Variants in GRIK5 observed in about 807,000 individuals in gnomAD.
GRIK5 encodes the protein glutamate ionotropic receptor kainate type subunit 5.
A neutral mutation model predicts 97.4 loss-of-function variants in GRIK5; 43 were observed. The observed-to-expected ratio is 0.44, with a 90% CI of 0.35 to 0.57. The LOEUF (loss-of-function observed/expected upper bound fraction) is 0.57, where lower values mean the gene tolerates loss of function less well. GRIK5 is among the 20% of genes least tolerant of loss of function. GRIK5 has a pLI of 0.01. For missense variants in GRIK5, 1,015 were observed against 1,382.0 expected, an observed-to-expected ratio of 0.73 and a Z score of 4.21; for synonymous variants, 580 against 583.5, an observed-to-expected ratio of 0.99 and a Z score of 0.09.
intron 11 of GRIK5, among the ~76,000 whole-genome samples, chr19:42,047,978 A>AC (rs2076064337): frequency 6.6e-6 from 1 of 151,276 alleles, no homozygotes; most frequent in Admixed American, 6.6e-5. Flanking sequence ...GTCTCAAAAA[A>AC]AAAAAAAAAA....
rs113052774 is a variant in GRIK5 at position 42,003,703 on chromosome 19, GC to G, written c.2264-21del. On this transcript the variant is annotated intron_variant, in intron 17 of 19. Transcript: ENST00000593562. This position sits in a 1 kb window ranked among gnomAD's most constrained non-coding sequence, Gnocchi z 4.2. ...GGGAGCCTGGGCAGGCACACGAGGG[GC>G]TGGACCAGCCATCGGGCCCTGCAGC... is the stretch of plus-strand genomic sequence containing the variant. 8.5e-5 allele frequency: 136 copies of G among 1,595,154 alleles called. 5 individuals carry two copies. In the African/African-American group the frequency reaches 1.2e-3, roughly 14 times the overall value.
intron 11 of GRIK5, among the ~76,000 whole-genome samples, chr19:42,043,612 A>T (rs1021749313): frequency 2.5e-4 from 38 of 151,930 alleles, no homozygotes; most frequent in African/African-American, 9.2e-4. Context: ...GGGTTTCACC[A>T]TGTTGGCCAG....
chr19:42,003,545 G>A lies in GRIK5; in HGVS notation c.2392+10C>T, dbSNP rs781988820. The A allele has an allele frequency of 1.9e-5, 30 of 1,608,800 alleles. No homozygotes were observed. Among genetic ancestry groups the A allele is most frequent in the South Asian group, 1.1e-4 (10 of 90,116 alleles). On this transcript the variant is annotated intron_variant, in intron 18 of 19. Transcript: ENST00000593562. The surrounding 1 kb of genome is among the most constrained non-coding windows in gnomAD (Gnocchi z 4.2). ...GCTATGGGAAGGGGACACCATACGCGGGAACTGACCTTTAGCTCGATGGTC... is the reference window on the plus strand; with the variant it reads ...GCTATGGGAAGGGGACACCATACGCAGGAACTGACCTTTAGCTCGATGGTC...
Position 42,006,959 on chromosome 19 carries a change from A to C in GRIK5, c.1872-149T>G. On this transcript the variant is annotated intron_variant, in intron 15 of 19. Transcript: ENST00000593562. This position sits in a 1 kb window ranked among gnomAD's most constrained non-coding sequence, Gnocchi z 5.3. The stretch of plus-strand genomic sequence containing the variant: ...CTGGGTGCAGAAGCGGGGAGTGTGG[A>C]TTCTGAAGCCAGACTTCCTGGTTGT... The C allele has an allele frequency of 1.7e-6, 1 of 589,854 alleles. No homozygotes were observed. Among genetic ancestry groups the C allele is most frequent in the Non-Finnish European group, 3.0e-6 (1 of 338,046 alleles). 36.5% of individuals were successfully genotyped at this position (589,854 alleles called of 1,614,324 possible). A position where few individuals can be genotyped will look rare whatever the true frequency, so the allele number is the denominator to read the frequency against.
chr19:42,053,932 G>T lies in GRIK5; in HGVS notation c.1057-3C>A. The T allele has an allele frequency of 6.2e-7, 1 of 1,605,142 alleles. No individual in the cohort carries two copies. Among genetic ancestry groups the T allele is most frequent in the Non-Finnish European group, 8.5e-7 (1 of 1,171,972 alleles). ...CCGGTCAGCCCATCATACTCTACCTGGCAGGGTGGGGAGGTGGGGCAGAGG... is the reference window on the plus strand; with the variant it reads ...CCGGTCAGCCCATCATACTCTACCTTGCAGGGTGGGGAGGTGGGGCAGAGG... On this transcript the variant is annotated splice_region_variant and splice_polypyrimidine_tract_variant and intron_variant, in intron 9 of 19. Coordinates refer to ENST00000593562, the MANE Select transcript of GRIK5 (RefSeq NM_002088.5).
chr19:42,021,353 C>T lies in GRIK5; in HGVS notation c.1819G>A (p.Gly607Ser), dbSNP rs2075694508. The T allele has an allele frequency of 3.7e-6, 6 of 1,613,664 alleles. No homozygotes were observed. The highest frequency in any genetic ancestry group is 5.1e-6 in the Non-Finnish European group (6 of 1,179,918). ...WFPVGGFMQQ[G>S]SEIMPRALST... ...AGCGCCCGGGGCATGATCTCCGAGC[C>T]CTGCTGCATGAAGCCCCCCACGGGA... The change falls in exon 15 of 20, where the codon GGC (glycine) becomes AGC (serine). Residue 607 changes from glycine (G) to serine (S), a missense_variant. Transcript: ENST00000593562. This position sits in a 1 kb window ranked among gnomAD's most constrained non-coding sequence, Gnocchi z 4.2.
intron 12 of GRIK5, among the ~76,000 whole-genome samples, chr19:42,035,535 C>T (rs1416802018): frequency 2.6e-5 from 4 of 151,808 alleles, no homozygotes; most frequent in African/African-American, 7.3e-5. Flanking sequence ...GTGAAATCCC[C>T]ATCTCTACTA....
At chr19:42,044,516 G>C (rs922735864) in intron 11 of GRIK5, among the ~76,000 whole-genome samples, 3 of 152,164 alleles carry the variant, frequency 2.0e-5, no homozygotes, top group Non-Finnish European at 4.4e-5. Flanking sequence ...AGGAAAACAA[G>C]GCATGTGATG....
chr19:41,999,397 C>G lies in GRIK5; in HGVS notation c.2515-98G>C, dbSNP rs1043188870. 7 of 934,764 alleles carry G rather than the reference C, an allele frequency of 7.5e-6. No individual in the cohort carries two copies. In the African/African-American group the frequency reaches 1.1e-4, roughly 14 times the overall value. 57.9% of individuals were successfully genotyped at this position (934,764 alleles called of 1,614,324 possible). A position where few individuals can be genotyped will look rare whatever the true frequency, so the allele number is the denominator to read the frequency against. On this transcript the variant is annotated intron_variant, in intron 19 of 19. Transcript: ENST00000593562. This position sits in a 1 kb window ranked among gnomAD's most constrained non-coding sequence, Gnocchi z 5.0. ...CACTCCTCCTCCTCCTTTCCTCGCC[C>G]GGGTCTTTCTTCCTTCTGCCCTCGC...
At chr19:42,030,483 G>A (rs2075828322) in intron 12 of GRIK5, among the ~76,000 whole-genome samples, 1 of 151,964 alleles carries the variant, frequency 6.6e-6, no homozygotes, top group Non-Finnish European at 1.5e-5. Flanking sequence ...TTTTCAGACA[G>A]GGTCTTGCCC....
intron 15 of GRIK5, among the ~76,000 whole-genome samples, chr19:42,011,800 C>T (rs1221028619): frequency 2.0e-5 from 3 of 151,916 alleles, no homozygotes; most frequent in East Asian, 1.9e-4. Context: ...AAGTGAGATC[C>T]GGTCTCTACA....
Position 42,064,241 on chromosome 19 carries a change from T to A in GRIK5, c.244+982A>T, listed in dbSNP as rs137999963. Among the ~76,000 whole-genome samples the A allele has an allele frequency of 1.9e-3, 282 of 152,294 alleles. 4 individuals are homozygous for A. Among genetic ancestry groups the A allele is most frequent in the African/African-American group, 6.5e-3 (268 of 41,532 alleles). ...CCCTGGTATAGACCTATCAATGGCT[T>A]CCCAGTGCCTGTGGGTGAAGGTGGC... On this transcript the variant is annotated intron_variant, in intron 3 of 19. Transcript: ENST00000593562.
intron 15 of GRIK5, among the ~76,000 whole-genome samples, chr19:42,018,668 C>G (rs1331441395): frequency 7.1e-3 from 36 of 5,042 alleles, no homozygotes; most frequent in African/African-American, 0.011. Flanking sequence ...CAAAAAAAAG[C>G]GGGGGGGGGG....
At chr19:42,054,213 CG>C in intron 9 of GRIK5, 106 bp downstream of exon 9, 1 of 1,206,892 alleles carries the variant, frequency 8.3e-7, no homozygotes, top group Non-Finnish European at 1.2e-6. Context: ...GCAGTGGGTA[CG>C]GTGGGAAGAG....
At chr19:42,049,156 C>T (rs914641165) in intron 11 of GRIK5, among the ~76,000 whole-genome samples, 2 of 152,198 alleles carry the variant, frequency 1.3e-5, no homozygotes, top group African/African-American at 2.4e-5. Context: ...TACCTTTATA[C>T]ACTCACCACT....
At chr19:42,066,941 G>A (rs1028749031) in intron 1 of GRIK5, among the ~76,000 whole-genome samples, 1 of 152,134 alleles carries the variant, frequency 6.6e-6, no homozygotes, top group African/African-American at 2.4e-5. Flanking sequence ...CCACCCTACT[G>A]GGGAGAAGAA....
At chr19:42,038,039 A>G (rs1036011085) in intron 12 of GRIK5, among the ~76,000 whole-genome samples, 1 of 152,148 alleles carries the variant, frequency 6.6e-6, no homozygotes. Context: ...CTGACCTAAG[A>G]TCTTCTTTGC....
intron 15 of GRIK5, among the ~76,000 whole-genome samples, chr19:42,007,740 C>G (rs1456003700): frequency 6.6e-6 from 1 of 152,120 alleles, no homozygotes; most frequent in African/African-American, 2.4e-5. Context: ...AAGGAGAAAA[C>G]AATTCTTAGA....
intron 12 of GRIK5, among the ~76,000 whole-genome samples, chr19:42,040,517 T>C (rs1158929714): frequency 6.6e-6 from 1 of 152,288 alleles, no homozygotes; most frequent in Admixed American, 6.5e-5. Context: ...GCTCTGGGGC[T>C]TCTCATCTCC....
Sources: allele counts gnomAD v4.1 joint callset (sites outside exome capture counted in the v4.1 genomes callset), GRCh38; gene constraint gnomAD v4.1.1; non-coding constraint Gnocchi (gnomAD v3.1); transcripts MANE v1.5; gene names NCBI Gene and HGNC (gene_info 2026-07-23, HGNC 2026-07-21).